The following INPP4B variants were observed in gnomAD, a reference collection of about 807,000 sequenced individuals.
INPP4B encodes the protein inositol polyphosphate-4-phosphatase type II B.
In INPP4B, 55 loss-of-function variants were observed where a neutral mutation model predicts 122.5. The observed-to-expected ratio is 0.45, with a 90% confidence interval of 0.36 to 0.56. INPP4B has a LOEUF of 0.56. Ranked by LOEUF, INPP4B falls within the 20% of genes least tolerant of loss-of-function variation. The pLI, the probability that INPP4B is intolerant of heterozygous loss-of-function variation, is 0.00. For missense variants in INPP4B, 1,000 were observed against 1,097.7 expected, an observed-to-expected ratio of 0.91 and a Z score of 1.26; for synonymous variants, 403 against 388.7, an observed-to-expected ratio of 1.04 and a Z score of -0.43.
At chr4:142,326,648 T>C (rs1211798016) in intron 7 of INPP4B, among the ~76,000 whole-genome samples, 1 of 152,188 alleles carries the variant, frequency 6.6e-6, no homozygotes, top group Non-Finnish European at 1.5e-5. Flanking sequence ...ATCATTATGC[T>C]CGATCCATTA....
chr4:142,541,685 T>C (rs1828962850), intron 2 of INPP4B, among the ~76,000 whole-genome samples: 1 of 152,174 alleles, frequency 6.6e-6, no homozygotes, highest in East Asian at 1.9e-4. Context: ...CGCTGCAGAC[T>C]TTTTCTTCTT....
intron 25 of INPP4B, among the ~76,000 whole-genome samples, chr4:142,059,126 CTT>C (rs1217462977): frequency 6.6e-6 from 1 of 152,116 alleles, no homozygotes; most frequent in Non-Finnish European, 1.5e-5. Flanking sequence ...AAGTAATCGA[CTT>C]TTAATATTTA....
At chr4:142,383,882 A>G (rs2148891809) in intron 7 of INPP4B, 2 of 514,680 alleles carry the variant, frequency 3.9e-6, no homozygotes, top group Non-Finnish European at 6.9e-6. Flanking sequence ...GCGGGAACAC[A>G]GGTGTGAGCT....
chr4:142,392,903 T>C (rs1170102899), intron 7 of INPP4B, among the ~76,000 whole-genome samples: 1 of 152,198 alleles, frequency 6.6e-6, no homozygotes, highest in African/African-American at 2.4e-5. Flanking sequence ...CATCATTCTT[T>C]ATTTGGTTTT....
At chr4:142,203,485 A>G (rs1389515998) in intron 14 of INPP4B, among the ~76,000 whole-genome samples, 1 of 152,106 alleles carries the variant, frequency 6.6e-6, no homozygotes, top group Non-Finnish European at 1.5e-5. Context: ...AAAATTTATT[A>G]AAGTATATTA....
At chr4:142,267,190 G>A (rs187385720) in intron 10 of INPP4B, among the ~76,000 whole-genome samples, 283 of 152,094 alleles carry the variant, frequency 1.9e-3, no homozygotes, top group African/African-American at 6.5e-3. Context: ...CATTTTTCAC[G>A]GAAATAAATG....
chr4:142,577,744 A>G lies in INPP4B; in HGVS notation c.-190-115018T>C, dbSNP rs1456687144. Among the ~76,000 whole-genome samples the G allele has an allele frequency of 3.3e-5, 5 of 152,064 alleles. No homozygotes were observed. In the East Asian group the frequency reaches 9.7e-4, roughly 30 times the overall value. ...GTGCGTCATATAGAATAGTGCCTTG[A>G]ACTTAATAAATGCTGGCTTTTTCTC... On this transcript the variant is annotated intron_variant, in intron 2 of 25. Coordinates refer to ENST00000262992, the MANE Select transcript of INPP4B (RefSeq NM_001101669.3).
At chr4:142,376,938 C>T (rs1427050068) in intron 7 of INPP4B, among the ~76,000 whole-genome samples, 1 of 151,914 alleles carries the variant, frequency 6.6e-6, no homozygotes, top group Non-Finnish European at 1.5e-5. Flanking sequence ...TATTTGTTCT[C>T]TATTTTATGT....
At chr4:142,722,497 A>G (rs1764818218) in intron 2 of INPP4B, among the ~76,000 whole-genome samples, 1 of 152,202 alleles carries the variant, frequency 6.6e-6, no homozygotes, top group Admixed American at 6.5e-5. Flanking sequence ...GAGAGTTTCA[A>G]AAAGATAAAA....
chr4:142,234,893 A>G (rs1014825199), intron 12 of INPP4B, among the ~76,000 whole-genome samples: 4 of 151,806 alleles, frequency 2.6e-5, no homozygotes, highest in African/African-American at 9.7e-5. Context: ...CGGAAATAAC[A>G]AAAGAGATAC....
intron 21 of INPP4B, among the ~76,000 whole-genome samples, chr4:142,115,143 A>C (rs1020916486): frequency 6.6e-6 from 1 of 152,148 alleles, no homozygotes. Flanking sequence ...CAAAGCCTCC[A>C]AGAAATATGG....
rs150599955 is a variant in INPP4B at position 142,433,797 on chromosome 4, G to A, written c.-126-2412C>T. 3.7e-3 allele frequency among the ~76,000 whole-genome samples: 566 copies of A among 152,252 alleles called. 5 individuals are homozygous for A. The highest frequency in any genetic ancestry group is 5.4e-3 in the South Asian group (26 of 4,830). The stretch of plus-strand genomic sequence containing the variant: ...AGCAAATTGCAGGTACAGGAGATTG[G>A]TGTTAAGGAGAATGCCCTTAGTTGT... On this transcript the variant is annotated intron_variant, in intron 3 of 25. Transcript: ENST00000262992.
chr4:142,597,163 T>A (rs116473061), intron 2 of INPP4B, among the ~76,000 whole-genome samples: 1,739 of 152,344 alleles, frequency 0.011, 30 homozygotes, highest in African/African-American at 0.039. Context: ...AGGACTGCAA[T>A]TCAAGGACTA....
chr4:142,081,883 A>G, intron 25 of INPP4B, 148 bp downstream of exon 25: 1 of 467,576 alleles, frequency 2.1e-6, no homozygotes, highest in Non-Finnish European at 3.7e-6. Flanking sequence ...AAAATTATCT[A>G]TCTCTGATGT....
At chr4:142,098,306 C>T (rs1372400216) in intron 23 of INPP4B, among the ~76,000 whole-genome samples, 1 of 151,732 alleles carries the variant, frequency 6.6e-6, no homozygotes, top group Non-Finnish European at 1.5e-5. Flanking sequence ...GCCTTAGAGG[C>T]CACCGTAAAA....
chr4:142,669,998 C>T (rs1278238775), intron 2 of INPP4B, among the ~76,000 whole-genome samples: 1 of 152,132 alleles, frequency 6.6e-6, no homozygotes, highest in African/African-American at 2.4e-5. Flanking sequence ...GTTTCAGTAG[C>T]TGGTGGTCAA....
chr4:142,294,166 C>T (rs1757578153), intron 9 of INPP4B, among the ~76,000 whole-genome samples: 1 of 152,128 alleles, frequency 6.6e-6, no homozygotes, highest in African/African-American at 2.4e-5. Context: ...TGTATCAAAA[C>T]TACCTTTGTA....
chr4:142,463,392 C>A (rs1817108183), intron 2 of INPP4B, among the ~76,000 whole-genome samples: 1 of 152,190 alleles, frequency 6.6e-6, no homozygotes, highest in Admixed American at 6.5e-5. Flanking sequence ...GTTTACCACA[C>A]TTCATGGGTT....
intron 23 of INPP4B, among the ~76,000 whole-genome samples, chr4:142,102,330 G>A (rs1046252661): frequency 6.6e-6 from 1 of 151,900 alleles, no homozygotes; most frequent in African/African-American, 2.4e-5. Context: ...TCCTTGACAT[G>A]CACTCACAGC....
Sources: gnomAD v4.1 joint callset for allele counts (sites outside exome capture counted in the v4.1 genomes callset) on GRCh38, gnomAD v4.1.1 for gene constraint, MANE v1.5 for transcripts, NCBI Gene and HGNC (gene_info 2026-07-23, HGNC 2026-07-21) for gene names.